The following RNMT variants were observed in gnomAD, a reference collection of about 807,000 sequenced individuals.
RNMT encodes the protein RNA guanine-7 methyltransferase, also known as mRNA cap guanine-N(7) methyltransferase.
RNMT carries 27 observed loss-of-function variants against 56.0 expected under a neutral mutation model. The observed-to-expected ratio is 0.48, with a 90% CI of 0.36 to 0.67. The LOEUF (loss-of-function observed/expected upper bound fraction) is 0.67. Among genes scored for constraint, RNMT ranks in the 30% least tolerant of loss-of-function variants. The pLI is 0.00. For missense variants in RNMT, 519 were observed against 552.1 expected (o/e 0.94, Z 0.60); for synonymous variants, 184 against 176.2 (o/e 1.04, Z -0.35).
chr18:13,760,496 C>T lies in RNMT; in HGVS notation c.*517C>T. The T allele has an allele frequency of 1.0e-6, 1 of 985,140 alleles. No individual in the cohort carries two copies. The highest frequency in any genetic ancestry group is 6.1e-5 in the Admixed American group (1 of 16,284). The allele number at this position is 985,140 out of a possible 1,614,324, so 61.0% of individuals were successfully genotyped here. ...TAAGTTTAAAACTCAATTTCAGATG[C>T]TCATAAAAGTTACTTAGCTAAAATT... On this transcript the variant is annotated 3_prime_UTR_variant, in exon 12 of 12. Transcript: ENST00000383314.
At chr18:13,734,037 A>G (rs1197208018) in intron 3 of RNMT, among the ~76,000 whole-genome samples, 2 of 152,176 alleles carry the variant, frequency 1.3e-5, no homozygotes, top group Non-Finnish European at 2.9e-5. Context: ...GCAGTTCCCC[A>G]TACTTTTCTC....
chr18:13,754,747 G>C (rs1054380358), intron 11 of RNMT, among the ~76,000 whole-genome samples: 2 of 152,172 alleles, frequency 1.3e-5, no homozygotes, highest in African/African-American at 4.8e-5. Flanking sequence ...GTTTACCTCA[G>C]ATTTCTACTG....
At chr18:13,752,936 C>G (rs950278991) in intron 10 of RNMT, among the ~76,000 whole-genome samples, 5 of 152,110 alleles carry the variant, frequency 3.3e-5, no homozygotes, top group Non-Finnish European at 5.9e-5. Context: ...TTTATCACAT[C>G]TGGAAAAATG....
At chr18:13,757,152 TA>T (rs138831798) in intron 11 of RNMT, among the ~76,000 whole-genome samples, 2 of 152,112 alleles carry the variant, frequency 1.3e-5, no homozygotes. Flanking sequence ...ACTTCATTGG[TA>T]AAAAAATGCT....
chr18:13,739,191 A>G, intron 5 of RNMT, among the ~76,000 whole-genome samples: 1 of 152,258 alleles, frequency 6.6e-6, no homozygotes, highest in East Asian at 1.9e-4. Flanking sequence ...CAGAACAGTC[A>G]TATCAGTACT....
intron 8 of RNMT, 142 bp downstream of exon 8, chr18:13,742,794 T>TTA: frequency 1.9e-5 from 9 of 483,094 alleles, no homozygotes; most frequent in South Asian, 3.4e-5. Flanking sequence ...TTTGTGTTTT[T>TTA]AAAAAAAAAA....
intron 1 of RNMT, among the ~76,000 whole-genome samples, chr18:13,729,517 G>T (rs922264877): frequency 1.3e-5 from 2 of 152,100 alleles, no homozygotes; most frequent in Non-Finnish European, 2.9e-5. Context: ...TTGATAAGTT[G>T]GTATCCAGTT....
chr18:13,745,510 A>G (rs774493626), intron 8 of RNMT, among the ~76,000 whole-genome samples: 1 of 152,212 alleles, frequency 6.6e-6, no homozygotes, highest in Non-Finnish European at 1.5e-5. Context: ...GATGGCATGG[A>G]TCACTAGGTG....
chr18:13,760,195 A>C lies in RNMT; in HGVS notation c.*216A>C. 1 of 1,256,078 alleles carries C rather than the reference A, an allele frequency of 8.0e-7. No individual in the cohort carries two copies. Among genetic ancestry groups the C allele is most frequent in the Non-Finnish European group, 1.0e-6 (1 of 999,706 alleles). 77.8% of individuals were successfully genotyped at this position (1,256,078 alleles called of 1,614,324 possible). A position where few individuals can be genotyped will look rare whatever the true frequency, so the allele number is the denominator to read the frequency against. On this transcript the variant is annotated 3_prime_UTR_variant, in exon 12 of 12. Coordinates refer to ENST00000383314, the MANE Select transcript of RNMT (RefSeq NM_003799.3). The stretch of plus-strand genomic sequence containing the variant: ...AATGAGTTGGGACCTCTGTCTTTAA[A>C]AATCTATTTTTAGGTAATGTTCTAA...
chr18:13,742,492 C>T lies in RNMT; in HGVS notation c.979C>T (p.Arg327Cys), dbSNP rs780942591. The change falls in exon 8 of 12, where the codon CGC becomes TGC. Residue 327 changes from arginine (R) to cysteine (C), a missense_variant. By Grantham distance (180) the Arg-to-Cys change is radical. Transcript: ENST00000383314. Reference sequence around the variant, plus strand: ...GTTGGGGGATAACCTTGATAGAAGACGCCTTGAAGCTTCAGAAACAGAATC... The same window carrying T: ...GTTGGGGGATAACCTTGATAGAAGATGCCTTGAAGCTTCAGAAACAGAATC... Reference protein sequence around the residue: ...TTPNSFELIRRLEASETESFG... With the variant: ...TTPNSFELIRCLEASETESFG... The T allele has an allele frequency of 8.7e-6, 14 of 1,611,726 alleles. No homozygotes were observed. The highest frequency in any genetic ancestry group is 2.2e-5 in the East Asian group (1 of 44,786).
rs2044652542 is a variant in RNMT at position 13,764,215 on chromosome 18, T to C, written c.*4236T>C. 6.6e-6 allele frequency: 1 copy of C among 152,158 alleles called. No homozygotes were observed. Among genetic ancestry groups the C allele is most frequent in the African/African-American group, 2.4e-5 (1 of 41,432 alleles). 9.4% of individuals were successfully genotyped at this position (152,158 alleles called of 1,614,324 possible). A position where few individuals can be genotyped will look rare whatever the true frequency, so the allele number is the denominator to read the frequency against. ...CGAGTATCCAGACAGAGGCAAATCA[T>C]TTTGTTTAACTTTTTATTAAAGTGT... is the stretch of plus-strand genomic sequence containing the variant. On this transcript the variant is annotated 3_prime_UTR_variant, in exon 12 of 12. Transcript: ENST00000383314.
rs2044254427 is a variant in RNMT at position 13,741,709 on chromosome 18, T to C, written c.974+18T>C. The C allele has an allele frequency of 1.3e-6, 2 of 1,519,644 alleles. No homozygotes were observed. Among genetic ancestry groups the C allele is most frequent in the Non-Finnish European group, 1.8e-6 (2 of 1,115,950 alleles). The allele number at this position is 1,519,644 out of a possible 1,614,324, so 94.1% of individuals were successfully genotyped here. A position where few individuals can be genotyped will look rare whatever the true frequency, so the allele number is the denominator to read the frequency against. ...GAATTGATGTAAGTACTTCTAAATA[T>C]ATTGTGGTTTATAAAATATTCAGTA... is the stretch of plus-strand genomic sequence containing the variant. On this transcript the variant is annotated intron_variant, in intron 7 of 11. Transcript: ENST00000383314.
In RNMT at chr18:13,759,971, C is replaced by A; in HGVS notation, c.1423C>A (p.Gln475Lys). 6.2e-7 allele frequency: 1 copy of A among 1,613,252 alleles called. No homozygotes were observed. Among genetic ancestry groups the A allele is most frequent in the Non-Finnish European group, 8.5e-7 (1 of 1,179,470 alleles). Reference sequence around the variant, plus strand: ...TTACTTGGTGTTTGCCTTTGAGAAACAGCAGTGAGCACATAGGCAGTAGTC... The same window carrying A: ...TTACTTGGTGTTTGCCTTTGAGAAAAAGCAGTGAGCACATAGGCAGTAGTC... The part of the protein sequence containing the change: ...SIYLVFAFEK[Q>K]Q Residue 475 changes from glutamine (Q) to lysine (K), a missense_variant, in exon 12 of 12, where the codon CAG becomes AAG. By Grantham distance (53) the Gln-to-Lys change is moderately conservative. Coordinates refer to ENST00000383314, the MANE Select transcript of RNMT (RefSeq NM_003799.3).
intron 5 of RNMT, among the ~76,000 whole-genome samples, chr18:13,738,682 G>A (rs1243689136): frequency 6.6e-6 from 1 of 152,176 alleles, no homozygotes; most frequent in Admixed American, 6.5e-5. Flanking sequence ...AAAAAATCAC[G>A]TGTTTAATAT....
intron 9 of RNMT, among the ~76,000 whole-genome samples, chr18:13,749,907 G>A (rs1790011181): frequency 6.7e-6 from 1 of 150,264 alleles, no homozygotes; most frequent in East Asian, 2.0e-4. Flanking sequence ...CTACAGGCAC[G>A]TGCCACCACA....
At chr18:13,738,003 GAATC>G (rs991658268) in intron 5 of RNMT, among the ~76,000 whole-genome samples, 18 of 151,480 alleles carry the variant, frequency 1.2e-4, no homozygotes, top group Admixed American at 1.3e-4. Context: ...GTAACGCAAT[GAATC>G]AATCAATCAA....
intron 5 of RNMT, among the ~76,000 whole-genome samples, chr18:13,739,237 C>G (rs1184092151): frequency 6.6e-6 from 1 of 152,150 alleles, no homozygotes; most frequent in African/African-American, 2.4e-5. Context: ...TGTTAGGTAG[C>G]AGAAATGTTT....
At position 13,731,581 on chromosome 18, in the gene RNMT, G is replaced by A. The variant is rs115821778; in HGVS notation, c.64G>A (p.Val22Met). The change falls in exon 3 of 12, where the codon GTG becomes ATG. Residue 22 changes from valine to methionine, a missense_variant. Transcript: ENST00000383314. ...KMSLEQAKASVNSETESSFNI... is the reference protein window; with the variant it reads ...KMSLEQAKASMNSETESSFNI... ...GTCTCTTGAACAGGCAAAAGCGTCAGTGAATTCTGAAACAGAGTCTTCATT... is the reference window on the plus strand; with the variant it reads ...GTCTCTTGAACAGGCAAAAGCGTCAATGAATTCTGAAACAGAGTCTTCATT... 8 of 1,612,930 alleles carry A rather than the reference G, an allele frequency of 5.0e-6. No homozygotes were observed. The East Asian group carries it at 1.6e-4, about 31-fold the overall frequency.
At chr18:13,748,600 C>T (rs1476141249) in intron 9 of RNMT, among the ~76,000 whole-genome samples, 1 of 152,162 alleles carries the variant, frequency 6.6e-6, no homozygotes, top group East Asian at 1.9e-4. Context: ...GGGTTCAGCA[C>T]TAGAACCAGT....
Sources: allele counts gnomAD v4.1 joint callset (sites outside exome capture counted in the v4.1 genomes callset), GRCh38; gene constraint gnomAD v4.1.1; transcripts MANE v1.5; gene names NCBI Gene and HGNC (gene_info 2026-07-23, HGNC 2026-07-21).